ZC3H12B: variants seen among roughly 807,000 people sequenced by gnomAD.
ZC3H12B encodes the protein zinc finger CCCH-type containing 12B.
A neutral mutation model predicts 43.9 loss-of-function variants in ZC3H12B; 7 were observed. The ratio of observed to expected loss-of-function variants is 0.16; its 90% CI spans 0.09 to 0.30. ZC3H12B has a LOEUF of 0.30. Ranked by LOEUF, ZC3H12B falls within the 10% of genes least tolerant of loss-of-function variation. The pLI is 1.00. For missense variants in ZC3H12B, 475 were observed against 670.2 expected, an observed-to-expected ratio of 0.71 and a Z score of 3.22; for synonymous variants, 222 against 241.7, an observed-to-expected ratio of 0.92 and a Z score of 0.76.
chrX:65,484,757 C>G (rs1411511490), upstream of ZC3H12B, among the ~76,000 whole-genome samples: 1 of 112,386 alleles, frequency 8.9e-6, no homozygotes, highest in African/African-American at 3.2e-5. Flanking sequence ...TTTTGGCTCA[C>G]TAGAAATGGC....
exon 1 of ZC3H12B, chrX:65,489,171 C>G (rs1318352350): frequency 1.7e-6 from 2 of 1,210,012 alleles, no homozygotes; most frequent in African/African-American, 3.5e-5. Flanking sequence ...TGCAGAGGAA[C>G]AGATTCAATC....
At chrX:65,504,088 A>G (rs2068403283) in exon 5 of ZC3H12B, 1 of 112,643 alleles carries the variant, frequency 8.9e-6, no homozygotes, top group South Asian at 3.7e-4. Flanking sequence ...TTGCATGGAT[A>G]TCTGATCACT....
the ZC3H12B span, among the ~76,000 whole-genome samples, chrX:65,248,783 C>G: frequency 0.24 from 26,772 of 111,205 alleles, 7,708 homozygotes; most frequent in African/African-American, 0.83. Context: ...TCGTGCAGGA[C>G]TAAGGTGGTA....
the ZC3H12B span, among the ~76,000 whole-genome samples, chrX:65,061,252 A>G: frequency 9.0e-6 from 1 of 111,155 alleles, no homozygotes; most frequent in Non-Finnish European, 1.9e-5. Context: ...GCACCCATCA[A>G]CTCGTCATCT....
At chrX:65,292,159 C>T in the ZC3H12B span, among the ~76,000 whole-genome samples, 1 of 111,858 alleles carries the variant, frequency 8.9e-6, no homozygotes, top group Non-Finnish European at 1.9e-5. Context: ...ACTACCAAAT[C>T]AGTCGGTTTG....
At chrX:65,237,378 A>G in the ZC3H12B span, among the ~76,000 whole-genome samples, 5 of 111,006 alleles carry the variant, frequency 4.5e-5, no homozygotes, top group East Asian at 1.4e-3. Context: ...GCATGTTGGT[A>G]TGTAGAAATG....
chrX:65,126,208 G>A, the ZC3H12B span, among the ~76,000 whole-genome samples: 11 of 110,652 alleles, frequency 9.9e-5, no homozygotes, highest in African/African-American at 3.6e-4. Context: ...CAGCATTTGT[G>A]TATCTGGAAA....
Position 65,380,762 on chromosome X carries a change from G to C in ZC3H12B, n.295+11764G>C, listed in dbSNP as rs777337420. Among the ~76,000 whole-genome samples, 4 of 111,655 alleles carry C rather than the reference G, an allele frequency of 3.6e-5. No individual in the cohort carries two copies. The East Asian group carries it at 1.1e-3, about 31-fold the overall frequency. On this transcript the variant is annotated intron_variant and non_coding_transcript_variant, in intron 2 of 5. Coordinates refer to the ZC3H12B transcript ENST00000617377. ...GGCTCAAAATAAAAGGATGGAGGAA[G>C]ATCTACCAAACAAATGGAAAACAAA...
At chrX:65,476,555 G>C (rs1020800817) in intron 3 of ZC3H12B, among the ~76,000 whole-genome samples, 1 of 111,806 alleles carries the variant, frequency 8.9e-6, no homozygotes, top group Non-Finnish European at 1.9e-5. Flanking sequence ...CCAGGGAGTA[G>C]AATATTTATG....
At chrX:65,231,295 A>C in the ZC3H12B span, among the ~76,000 whole-genome samples, 1 of 111,301 alleles carries the variant, frequency 9.0e-6, no homozygotes, top group Admixed American at 9.6e-5. Context: ...CAAGATCACA[A>C]GGCAAGGGCA....
chrX:65,271,925 A>C, the ZC3H12B span: 1 of 134,825 alleles, frequency 7.4e-6, no homozygotes, highest in African/African-American at 3.1e-5. Context: ...GTGAAAAGAA[A>C]GAGCCTAGGC....
At chrX:65,398,635 G>C (rs2066729021) in exon 3 of ZC3H12B, 1 of 111,991 alleles carries the variant, frequency 8.9e-6, no homozygotes, top group Non-Finnish European at 1.9e-5. Flanking sequence ...GTGCTTTCCA[G>C]TCACCTTCCA....
intron 1 of ZC3H12B, among the ~76,000 whole-genome samples, chrX:65,491,888 G>T (rs779871105): frequency 1.8e-5 from 2 of 109,702 alleles, no homozygotes; most frequent in African/African-American, 3.3e-5. Context: ...TAACAAGAAA[G>T]TTAAATGGTC....
the ZC3H12B span, among the ~76,000 whole-genome samples, chrX:65,088,677 G>T: frequency 9.0e-6 from 1 of 111,614 alleles, no homozygotes; most frequent in African/African-American, 3.2e-5. Context: ...TCTCGGTCTT[G>T]CTTTCTATAA....
the ZC3H12B span, among the ~76,000 whole-genome samples, chrX:65,219,412 C>G: frequency 1.8e-4 from 20 of 111,297 alleles, no homozygotes; most frequent in African/African-American, 5.9e-4. Flanking sequence ...AAAAATGATA[C>G]AGGATATGAA....
the ZC3H12B span, among the ~76,000 whole-genome samples, chrX:65,307,425 CG>C: frequency 9.0e-6 from 1 of 111,429 alleles, no homozygotes; most frequent in Non-Finnish European, 1.9e-5. Context: ...AAAATATAAA[CG>C]TTATGTACAG....
chrX:65,093,851 T>C, the ZC3H12B span, among the ~76,000 whole-genome samples: 1 of 111,539 alleles, frequency 9.0e-6, no homozygotes, highest in African/African-American at 3.3e-5. Flanking sequence ...TGTTGACTGT[T>C]GATAAGGGAT....
intron 2 of ZC3H12B, among the ~76,000 whole-genome samples, chrX:65,374,479 G>T (rs912844596): frequency 1.0e-4 from 11 of 106,862 alleles, no homozygotes; most frequent in East Asian, 2.9e-4. Flanking sequence ...AATTGATTAC[G>T]GATGGAGTAA....
the ZC3H12B span, among the ~76,000 whole-genome samples, chrX:65,173,785 G>T: frequency 4.5e-5 from 5 of 111,681 alleles, no homozygotes; most frequent in Non-Finnish European, 9.4e-5. Context: ...CTTGATTGTG[G>T]TGGATAAGCT....
Sources: gnomAD v4.1 joint callset for allele counts (sites outside exome capture counted in the v4.1 genomes callset) on GRCh38, gnomAD v4.1.1 for gene constraint, MANE v1.5 for transcripts, NCBI Gene and HGNC (gene_info 2026-07-23, HGNC 2026-07-21) for gene names.